Variants in SLC27A1 observed in about 807,000 individuals in gnomAD.
The protein encoded by SLC27A1 is solute carrier family 27 member 1, also known as long-chain fatty acid transport protein 1.
SLC27A1 carries 61 observed loss-of-function variants against 62.2 expected under a neutral mutation model. The observed-to-expected ratio is 0.98, with a 90% CI of 0.80 to 1.21. The LOEUF is 1.21. Among genes scored for constraint, SLC27A1 ranks in the 50% most tolerant of loss-of-function variants. SLC27A1 has a pLI of 0.00. For missense variants in SLC27A1, 903 were observed against 932.1 expected (o/e 0.97, Z 0.41); for synonymous variants, 435 against 408.6 (o/e 1.06, Z -0.78).
chr19:17,492,659 C>T (rs867853153), intron 6 of SLC27A1, among the ~76,000 whole-genome samples: 3 of 150,450 alleles, frequency 2.0e-5, no homozygotes, highest in African/African-American at 7.3e-5. Flanking sequence ...AGGACGGGGC[C>T]GGGCGCAGTG....
At chr19:17,497,683 C>A in intron 7 of SLC27A1, 1 of 604,990 alleles carries the variant, frequency 1.7e-6, no homozygotes, top group Non-Finnish European at 2.9e-6. Flanking sequence ...TGACTGTGGT[C>A]CTTGGGTCAG....
chr19:17,480,835 A>C (rs906646814), intron 1 of SLC27A1, among the ~76,000 whole-genome samples: 34 of 151,740 alleles, frequency 2.2e-4, no homozygotes, highest in African/African-American at 8.0e-4. Context: ...GCTGCCCCTT[A>C]TGGAGTTCCC....
rs1353239691 is a variant in SLC27A1, at chr19:17,470,639, C to T, written c.99C>T (p.Gly33=). Residue 33 remains glycine (G), a synonymous_variant, in exon 1 of 12, where the codon GGC becomes GGT. Transcript: ENST00000252595. ...CCTGGAGCGCGGCAGCGGCGCTCGG[C>T]GTGTACGTGGGCAGCGGCGGCTGGC... ...PWTWSAAAAL[G]VYVGSGGWRF... 1 of 1,579,758 alleles carries T rather than the reference C, an allele frequency of 6.3e-7. No individual in the cohort carries two copies. The highest frequency in any genetic ancestry group is 1.1e-5 in the South Asian group (1 of 88,020).
rs1568420374 is a variant in SLC27A1, at chr19:17,494,321, C to CTTTTT, written c.997-2934_997-2933insTTTTT. On this transcript the variant is annotated intron_variant, in intron 6 of 11. Coordinates refer to ENST00000252595, the MANE Select transcript of SLC27A1 (RefSeq NM_198580.3). ...TACAGGCGTGAGCCACCGTGCCTGG[C>CTTTTT]CTTTTTCTTTTTCTTTTTCTTTTTG... 4.8e-3 allele frequency among the ~76,000 whole-genome samples: 719 copies of CTTTTT among 150,632 alleles called. 9 individuals carry two copies. The highest frequency in any genetic ancestry group is 0.017 in the African/African-American group (681 of 40,872).
In SLC27A1 at chr19:17,497,393, G is replaced by A. The variant is rs149506410; in HGVS notation, c.1135G>A (p.Gly379Ser). The A allele has an allele frequency of 1.2e-6, 2 of 1,605,194 alleles. No homozygotes were observed. The highest frequency in any genetic ancestry group is 1.7e-6 in the Non-Finnish European group (2 of 1,177,456). ...CTGGGAGGAGTTCACGGAGCGCTTC[G>A]GCGTACGCCAAATCGGGGAGTTCTA... ...AIWEEFTERFGVRQIGEFYGA... is the reference protein window; with the variant it reads ...AIWEEFTERFSVRQIGEFYGA... Residue 379 changes from glycine to serine, a missense_variant, in exon 7 of 12, where the codon GGC (glycine) becomes AGC (serine). Physicochemically the swap from Gly to Ser is moderately conservative, Grantham distance 56 (BLOSUM62 0). Transcript: ENST00000252595.
intron 6 of SLC27A1, among the ~76,000 whole-genome samples, chr19:17,492,616 C>CAAAAAAAA (rs35790162): frequency 4.3e-5 from 3 of 70,582 alleles, no homozygotes; most frequent in Non-Finnish European, 4.9e-5. Flanking sequence ...GACTCCATCT[C>CAAAAAAAA]AAAAAAAAAA....
intron 1 of SLC27A1, among the ~76,000 whole-genome samples, chr19:17,474,287 G>A (rs1054445656): frequency 2.0e-5 from 3 of 152,150 alleles, no homozygotes; most frequent in African/African-American, 7.2e-5. Context: ...TAGACTGTGG[G>A]CCCTATAGGG....
At position 17,486,006 on chromosome 19, in the gene SLC27A1, G is replaced by A. The variant is rs1307037880; in HGVS notation, c.168-557G>A. On this transcript the variant is annotated intron_variant, in intron 1 of 11. Coordinates refer to ENST00000252595, the MANE Select transcript of SLC27A1 (RefSeq NM_198580.3). This position sits in a 1 kb window ranked among gnomAD's most constrained non-coding sequence, Gnocchi z 6.6. ...GGGGAACTTGGAACCCTCCATCTGG[G>A]CTTGGCATTGGTCCTTACACCCCCC... Among the ~76,000 whole-genome samples the A allele has an allele frequency of 6.6e-6, 1 of 152,110 alleles. No homozygotes were observed. The highest frequency in any genetic ancestry group is 1.5e-5 in the Non-Finnish European group (1 of 68,004).
chr19:17,486,762 C>G lies in SLC27A1; in HGVS notation c.367C>G (p.Leu123Val). The G allele has an allele frequency of 1.2e-6, 2 of 1,607,726 alleles. No homozygotes were observed. Among genetic ancestry groups the G allele is most frequent in the Non-Finnish European group, 1.7e-6 (2 of 1,177,082 alleles). Residue 123 changes from leucine to valine, a missense_variant, in exon 2 of 12, where the codon CTG becomes GTG. Transcript: ENST00000252595. The surrounding 1 kb of genome is among the most constrained non-coding windows in gnomAD (Gnocchi z 6.6). ...TGCGGTAGCCAACCTCTTCCGCCAG[C>G]TGGGCTTCGCGCCGGGCGACGTGGT... ...SNAVANLFRQ[L>V]GFAPGDVVAI... is the part of the protein sequence containing the mutation.
intron 1 of SLC27A1, among the ~76,000 whole-genome samples, chr19:17,480,276 C>A (rs539631290): frequency 9.9e-5 from 15 of 152,234 alleles, no homozygotes; most frequent in Middle Eastern, 3.4e-3. Context: ...GATCTGCTCA[C>A]CTCGGCCTCC....
chr19:17,491,028 C>A (rs1206380444), intron 6 of SLC27A1: 1 of 31,476 alleles, frequency 3.2e-5, no homozygotes, highest in Non-Finnish European at 9.0e-5. Context: ...GAGACTCCAT[C>A]TCAAAAAAAA....
At chr19:17,472,763 G>A (rs1599636721) in intron 1 of SLC27A1, among the ~76,000 whole-genome samples, 1 of 152,090 alleles carries the variant, frequency 6.6e-6, no homozygotes, top group South Asian at 2.1e-4. Context: ...CTGACATCAC[G>A]TAGTCCGCCT....
chr19:17,476,895 T>TG (rs1179332211), intron 1 of SLC27A1, among the ~76,000 whole-genome samples: 1 of 149,854 alleles, frequency 6.7e-6, no homozygotes, highest in Non-Finnish European at 1.5e-5. Context: ...TTTTTTTTTT[T>TG]TTTTTTTTTT....
rs2075359891 is a variant in SLC27A1 at position 17,497,303 on chromosome 19, G to A, written c.1045G>A (p.Val349Met). 6.2e-7 allele frequency: 1 copy of A among 1,606,780 alleles called. No homozygotes were observed. The highest frequency in any genetic ancestry group is 8.5e-7 in the Non-Finnish European group (1 of 1,177,822). The change falls in exon 7 of 12, where the codon GTG becomes ATG. Residue 349 changes from valine (V) to methionine (M), a missense_variant. Physicochemically the swap from Val to Met is conservative, Grantham distance 21. Transcript: ENST00000252595. ...CTGCCGCTACCTGCTGAAGCAGCCG[G>A]TGCGCGAGGCGGAGAGGCGACACCG... ...EICRYLLKQPVREAERRHRVR... is the reference protein window; with the variant it reads ...EICRYLLKQPMREAERRHRVR...
intron 11 of SLC27A1, 45 bp from the exon 12 acceptor site, chr19:17,504,410 G>T (rs1458428825): frequency 3.7e-6 from 6 of 1,612,276 alleles, no homozygotes; most frequent in Non-Finnish European, 5.1e-6. Flanking sequence ...AGGCCTCCCA[G>T]AAGCCACCTG....
At chr19:17,485,762 G>A (rs140833001) in intron 1 of SLC27A1, among the ~76,000 whole-genome samples, 5 of 151,964 alleles carry the variant, frequency 3.3e-5, no homozygotes, top group East Asian at 3.9e-4. Context: ...CCCAGGAGGC[G>A]GAGGGTGAGC....
chr19:17,477,240 C>CTTTTTGTTTTTTTTTTTT (rs2075132409), intron 1 of SLC27A1, among the ~76,000 whole-genome samples: 1 of 43,808 alleles, frequency 2.3e-5, no homozygotes, highest in Non-Finnish European at 4.0e-5. Flanking sequence ...ATGAGCAGCG[C>CTTTTTGTTTTTTTTTTTT]TTTTTTTTTT....
rs1190310811 is a variant in SLC27A1, at chr19:17,486,537, G to T, written c.168-26G>T. 21 of 1,547,848 alleles carry T rather than the reference G, an allele frequency of 1.4e-5. No homozygotes were observed. Among genetic ancestry groups the T allele is most frequent in the Admixed American group, 3.7e-5 (2 of 54,444 alleles). The stretch of plus-strand genomic sequence containing the variant: ...CCAGGCGGGGCAGGGCACCAGTGAC[G>T]CTGTCCCCTCCGTCCTCCCTCCCAG... On this transcript the variant is annotated intron_variant, in intron 1 of 11. Coordinates refer to ENST00000252595, the MANE Select transcript of SLC27A1 (RefSeq NM_198580.3). This position sits in a 1 kb window ranked among gnomAD's most constrained non-coding sequence, Gnocchi z 6.6.
chr19:17,500,195 C>A (rs1409982680), intron 7 of SLC27A1, 83 bp from the exon 8 acceptor site: 69 of 1,561,194 alleles, frequency 4.4e-5, no homozygotes, highest in Non-Finnish European at 6.0e-5. Flanking sequence ...TAGGTCCAAG[C>A]CCCAGGGCAA....
Sources: allele counts gnomAD v4.1 joint callset (sites outside exome capture counted in the v4.1 genomes callset), GRCh38; gene constraint gnomAD v4.1.1; non-coding constraint Gnocchi (gnomAD v3.1); transcripts MANE v1.5; gene names NCBI Gene and HGNC (gene_info 2026-07-23, HGNC 2026-07-21).